The following PARVB variants were observed in gnomAD, a reference collection of about 807,000 sequenced individuals.
PARVB encodes the protein parvin beta.
In PARVB, 46 loss-of-function variants were observed where a neutral mutation model predicts 47.0. The observed-to-expected ratio is 0.98, with a 90% CI of 0.77 to 1.25. The LOEUF (loss-of-function observed/expected upper bound fraction) is 1.25. Among genes scored for constraint, PARVB ranks in the 50% most tolerant of loss-of-function variants. The pLI is 0.00. For synonymous variants in PARVB, 196 were observed against 196.3 expected (o/e 1.00, Z 0.01); for missense variants, 473 against 471.6 (o/e 1.00, Z -0.03).
At chr22:44,086,823 A>T in intron 1 of PARVB, 2 of 985,450 alleles carry the variant, frequency 2.0e-6, no homozygotes, top group South Asian at 4.7e-5. Context: ...CCCTCTGAGT[A>T]CGGATGGAAG....
Position 44,119,044 on chromosome 22 carries a change from C to T in PARVB, c.280C>T (p.Leu94Phe). The T allele has an allele frequency of 6.2e-7, 1 of 1,613,434 alleles. No homozygotes were observed. The highest frequency in any genetic ancestry group is 8.5e-7 in the Non-Finnish European group (1 of 1,179,330). ...PKFKELVKVL[L>F]DWINDVLVEE... ...ATGCCTGCGTCTCCTGCAGGTCCTC[C>T]TCGACTGGATTAATGACGTGCTGGT... is the stretch of plus-strand genomic sequence containing the variant. Residue 94 changes from leucine to phenylalanine, a missense_variant, in exon 4 of 13, where the codon CTC (leucine) becomes TTC (phenylalanine). Leu to Phe is a conservative substitution (Grantham distance 22). Coordinates refer to ENST00000338758, the MANE Select transcript of PARVB (RefSeq NM_013327.5).
chr22:44,016,174 G>A (rs535535505), intron 2 of PARVB, among the ~76,000 whole-genome samples: 112 of 146,552 alleles, frequency 7.6e-4, no homozygotes, highest in African/African-American at 2.7e-3. Flanking sequence ...TCGGCTCACT[G>A]CAAGCTCCAC....
intron 7 of PARVB, chr22:44,139,918 A>G (rs2053516828): frequency 2.5e-6 from 1 of 399,382 alleles, no homozygotes; most frequent in Non-Finnish European, 4.6e-6. Flanking sequence ...GCAAACATTA[A>G]TAATTCACAC....
intron 1 of PARVB, among the ~76,000 whole-genome samples, chr22:44,045,836 G>A (rs1004042336): frequency 3.3e-5 from 5 of 152,172 alleles, no homozygotes; most frequent in Non-Finnish European, 5.9e-5. Flanking sequence ...TTTGCAGTAC[G>A]TTTTGAAATT....
In PARVB at chr22:44,132,876, T is replaced by C. The variant is rs373102034; in HGVS notation, c.518-18T>C. On this transcript the variant is annotated intron_variant, in intron 5 of 12. Transcript: ENST00000338758. ...GTAACCTGATCTAAAGCGTCTCCCTTCCTCCTTCCTCCTGCAGCAATTCAC... is the reference window on the plus strand; with the variant it reads ...GTAACCTGATCTAAAGCGTCTCCCTCCCTCCTTCCTCCTGCAGCAATTCAC... The C allele has an allele frequency of 1.9e-5, 30 of 1,573,514 alleles. No individual in the cohort carries two copies. Among genetic ancestry groups the C allele is most frequent in the East Asian group, 1.6e-4 (7 of 44,644 alleles).
At chr22:44,100,256 G>A in intron 3 of PARVB, 133 bp downstream of exon 3, 1 of 724,400 alleles carries the variant, frequency 1.4e-6, no homozygotes, top group Non-Finnish European at 2.4e-6. Flanking sequence ...TGAGAAGGTG[G>A]GCAGACATGT....
chr22:44,087,846 G>GTTTTTTTTTTTTT (rs57893038), intron 1 of PARVB, among the ~76,000 whole-genome samples: 385 of 121,212 alleles, frequency 3.2e-3, no homozygotes, highest in African/African-American at 6.5e-3. Context: ...GAACGATGGT[G>GTTTTTTTTTTTTT]TTTTTTTTTT....
At chr22:44,096,777 G>A (rs984366156) in intron 2 of PARVB, among the ~76,000 whole-genome samples, 2 of 152,134 alleles carry the variant, frequency 1.3e-5, no homozygotes, top group Non-Finnish European at 2.9e-5. Flanking sequence ...CCTTGGGCAC[G>A]TTTTATTGCA....
chr22:44,061,288 G>T (rs930246528), intron 1 of PARVB, among the ~76,000 whole-genome samples: 1 of 152,026 alleles, frequency 6.6e-6, no homozygotes, highest in Non-Finnish European at 1.5e-5. Flanking sequence ...AAAATTAGCT[G>T]GGCATGGTGG....
At chr22:43,999,224 C>CT in exon 1 of PARVB, 1 of 797,046 alleles carries the variant, frequency 1.3e-6, no homozygotes, top group Non-Finnish European at 2.0e-6. Context: ...AGGCCCTACA[C>CT]TTTGACGTCC....
In PARVB at chr22:44,110,070, G is replaced by A. The variant is rs1224308310; in HGVS notation, c.274-8968G>A. The A allele has an allele frequency of 5.9e-5, 7 of 119,184 alleles. No individual in the cohort carries two copies. The South Asian group carries it at 8.8e-4, about 15-fold the overall frequency. The allele number at this position is 119,184 out of a possible 1,614,324, so 7.4% of individuals were successfully genotyped here. On this transcript the variant is annotated intron_variant, in intron 3 of 12. Coordinates refer to ENST00000338758, the MANE Select transcript of PARVB (RefSeq NM_013327.5). ...GGAGCTTGCAGTGAGCCGAGATCCC[G>A]CCACTGCACTCCAGCCTGGGCGACA...
Position 44,155,134 on chromosome 22 carries a change from C to T in PARVB, c.844-2848C>T, listed in dbSNP as rs567876388. Among the ~76,000 whole-genome samples the T allele has an allele frequency of 7.2e-4, 110 of 152,106 alleles. No homozygotes were observed. The highest frequency in any genetic ancestry group is 1.6e-3 in the Admixed American group (24 of 15,272). On this transcript the variant is annotated intron_variant, in intron 10 of 12. Coordinates refer to ENST00000338758, the MANE Select transcript of PARVB (RefSeq NM_013327.5). The surrounding 1 kb of genome is among the most constrained non-coding windows in gnomAD (Gnocchi z 4.8). ...CCTTTTCCAAACCATTCTTACATTG[C>T]GGACAGCGTCCCAGCTCTGTGATGG...
chr22:44,158,167 C>T (rs1298583478), intron 11 of PARVB, 84 bp downstream of exon 11: 5 of 895,820 alleles, frequency 5.6e-6, no homozygotes, highest in Non-Finnish European at 9.0e-6. Context: ...GCAGCTCTTC[C>T]TGCAGCCTGG....
chr22:44,020,786 C>CTT (rs35736968), upstream of PARVB, among the ~76,000 whole-genome samples: 1 of 145,722 alleles, frequency 6.9e-6, no homozygotes. Context: ...TCTGTCCTTT[C>CTT]TTTTTTTTTT....
At position 44,063,425 on chromosome 22, in the gene PARVB, C is replaced by G. The variant is rs1440986013; in HGVS notation, c.113-30503C>G. Among the ~76,000 whole-genome samples, 4 of 152,204 alleles carry G rather than the reference C, an allele frequency of 2.6e-5. No homozygotes were observed. In the East Asian group the frequency reaches 5.8e-4, roughly 22 times the overall value. On this transcript the variant is annotated intron_variant, in intron 1 of 12. Coordinates refer to ENST00000338758, the MANE Select transcript of PARVB (RefSeq NM_013327.5). ...TATTTTTATTAGAGACGGGGTTTCA[C>G]TATGTTGGCCAGGCTGGTCTCAAAC...
chr22:44,023,602 T>C (rs148315521), upstream of PARVB, among the ~76,000 whole-genome samples: 1,815 of 135,304 alleles, frequency 0.013, 42 homozygotes, highest in African/African-American at 0.042. Context: ...TAAAATAAAA[T>C]AAAAATAGCC....
intron 4 of PARVB, among the ~76,000 whole-genome samples, chr22:44,123,508 G>T (rs562734592): frequency 7.9e-5 from 12 of 152,262 alleles, no homozygotes; most frequent in Admixed American, 1.3e-4. Context: ...CCACTTCCTG[G>T]GCTCAGGTGA....
In PARVB at chr22:44,114,075, A is replaced by T. The variant is rs1161227595; in HGVS notation, c.274-4963A>T. 8.6e-5 allele frequency: 9 copies of T among 104,182 alleles called. 1 individual carries two copies. The highest frequency in any genetic ancestry group is 4.1e-4 in the African/African-American group (9 of 21,866). The allele number at this position is 104,182 out of a possible 1,614,324, so 6.5% of individuals were successfully genotyped here. Reference sequence around the variant, plus strand: ...GCACCAACACAGATACATTGTTACTAAGTAAGGCCCTGCACCAACACAGAT... The same window carrying T: ...GCACCAACACAGATACATTGTTACTTAGTAAGGCCCTGCACCAACACAGAT... On this transcript the variant is annotated intron_variant, in intron 3 of 12. Transcript: ENST00000338758.
intron 4 of PARVB, among the ~76,000 whole-genome samples, chr22:44,130,809 A>T (rs930249728): frequency 6.6e-6 from 1 of 152,238 alleles, no homozygotes; most frequent in Admixed American, 6.5e-5. Context: ...TTTTGTATGC[A>T]TAGAATGTTC....
Sources: gnomAD v4.1 joint callset for allele counts (sites outside exome capture counted in the v4.1 genomes callset) on GRCh38, gnomAD v4.1.1 for gene constraint, Gnocchi (gnomAD v3.1) non-coding constraint, MANE v1.5 for transcripts, NCBI Gene and HGNC (gene_info 2026-07-23, HGNC 2026-07-21) for gene names.